CCDC122: variants seen among roughly 807,000 people sequenced by gnomAD.
CCDC122 encodes the protein coiled-coil domain-containing protein 122.
Under a neutral mutation model 37.0 loss-of-function variants are expected in CCDC122, and 38 were observed. That is an observed-to-expected ratio of 1.03 (90% CI 0.79 to 1.35). The LOEUF (loss-of-function observed/expected upper bound fraction) is 1.35, where lower values mean the gene tolerates loss of function less well. Ranked by LOEUF, CCDC122 falls within the 40% of genes most tolerant of loss-of-function variation. The pLI is 0.00. For missense variants in CCDC122, 305 were observed against 310.0 expected, an observed-to-expected ratio of 0.98 and a Z score of 0.12; for synonymous variants, 83 against 95.6, an observed-to-expected ratio of 0.87 and a Z score of 0.77.
At chr13:43,876,692 C>T (rs1293513919) in intron 1 of CCDC122, among the ~76,000 whole-genome samples, 5 of 152,168 alleles carry the variant, frequency 3.3e-5, no homozygotes, top group African/African-American at 2.4e-5. Context: ...GCCAGTTGTG[C>T]TTGATATTGT....
intron 1 of CCDC122, among the ~76,000 whole-genome samples, chr13:43,877,562 C>T (rs1954660765): frequency 6.6e-6 from 1 of 152,048 alleles, no homozygotes; most frequent in South Asian, 2.1e-4. Flanking sequence ...TGTAAAGAAG[C>T]TATTAATTTT....
At chr13:43,851,355 A>G (rs1240121364) in intron 6 of CCDC122, among the ~76,000 whole-genome samples, 1 of 152,234 alleles carries the variant, frequency 6.6e-6, no homozygotes, top group East Asian at 1.9e-4. Flanking sequence ...TCTAAATTTA[A>G]CTTTGGTGAA....
chr13:43,875,317 A>G (rs1347068311), intron 1 of CCDC122, among the ~76,000 whole-genome samples: 5 of 152,190 alleles, frequency 3.3e-5, no homozygotes, highest in African/African-American at 4.8e-5. Flanking sequence ...AACCAAGAGG[A>G]ACTTTATAGT....
At chr13:43,878,635 C>T (rs1954742136) in intron 1 of CCDC122, among the ~76,000 whole-genome samples, 1 of 152,176 alleles carries the variant, frequency 6.6e-6, no homozygotes, top group Admixed American at 6.5e-5. Flanking sequence ...CTTGGAAGGT[C>T]GGATATTTTT....
chr13:43,870,522 C>T (rs1178525930), intron 2 of CCDC122, among the ~76,000 whole-genome samples: 1 of 151,926 alleles, frequency 6.6e-6, no homozygotes, highest in Non-Finnish European at 1.5e-5. Flanking sequence ...ACTGTCAGTT[C>T]TCTCAATTAA....
At chr13:43,839,259 A>C (rs937207396) in intron 6 of CCDC122, among the ~76,000 whole-genome samples, 4 of 152,192 alleles carry the variant, frequency 2.6e-5, no homozygotes, top group African/African-American at 9.7e-5. Flanking sequence ...CTGTCCCCAC[A>C]CTTAACCCTC....
At chr13:43,877,398 T>A (rs1026150431) in intron 1 of CCDC122, among the ~76,000 whole-genome samples, 1 of 152,216 alleles carries the variant, frequency 6.6e-6, no homozygotes, top group African/African-American at 2.4e-5. Flanking sequence ...CTGACCTTTT[T>A]TCTTATAAAA....
At chr13:43,855,392 CA>C (rs1461326406) in intron 6 of CCDC122, 3,513 of 151,306 alleles carry the variant, frequency 0.023, 106 homozygotes, top group East Asian at 0.13. Flanking sequence ...CACACACACA[CA>C]CCCCTAAGAA....
chr13:43,845,517 C>A (rs1043435695), intron 6 of CCDC122, among the ~76,000 whole-genome samples: 1 of 152,184 alleles, frequency 6.6e-6, no homozygotes, highest in Admixed American at 6.5e-5. Context: ...ACAAGACCAG[C>A]CTGGCCAGCA....
intron 1 of CCDC122, among the ~76,000 whole-genome samples, chr13:43,877,092 C>T (rs544447718): frequency 1.3e-5 from 2 of 152,258 alleles, no homozygotes; most frequent in Non-Finnish European, 2.9e-5. Flanking sequence ...GGCGACAGAG[C>T]GAGACTTCAT....
chr13:43,848,719 AC>A (rs1264374191), intron 6 of CCDC122: 20 of 484,934 alleles, frequency 4.1e-5, no homozygotes, highest in Middle Eastern at 1.1e-3. Flanking sequence ...ATTCAAAAAA[AC>A]ATTTTTTATT....
intron 2 of CCDC122, among the ~76,000 whole-genome samples, chr13:43,872,770 T>C (rs2153880224): frequency 6.6e-6 from 1 of 152,246 alleles, no homozygotes; most frequent in Non-Finnish European, 1.5e-5. Flanking sequence ...TCAAACGTAT[T>C]ATTCTGAACA....
chr13:43,849,392 C>T (rs1953650231), intron 6 of CCDC122, among the ~76,000 whole-genome samples: 1 of 152,134 alleles, frequency 6.6e-6, no homozygotes, highest in African/African-American at 2.4e-5. Context: ...CTACAGTTAC[C>T]TATTCTTCCT....
At chr13:43,863,275 T>G (rs1327656192) in intron 4 of CCDC122, among the ~76,000 whole-genome samples, 3 of 152,220 alleles carry the variant, frequency 2.0e-5, no homozygotes, top group African/African-American at 7.2e-5. Context: ...TAGAATCATT[T>G]AATACATAAT....
chr13:43,837,185 G>A lies in CCDC122; in HGVS notation c.*95C>T, dbSNP rs1953192683. On this transcript the variant is annotated 3_prime_UTR_variant, in exon 7 of 7. Coordinates refer to ENST00000444614, the MANE Select transcript of CCDC122 (RefSeq NM_144974.5). ...TCATTAAGACAGGTCTCTAATAGTG[G>A]ATGCTTGTTATTAAGAATCCAAAAG... 3 of 1,235,842 alleles carry A rather than the reference G, an allele frequency of 2.4e-6. No homozygotes were observed. Among genetic ancestry groups the A allele is most frequent in the South Asian group, 1.5e-5 (1 of 67,144 alleles). The allele number at this position is 1,235,842 out of a possible 1,614,324, so 76.6% of individuals were successfully genotyped here.
chr13:43,859,713 C>G lies in CCDC122; in HGVS notation c.514G>C (p.Asp172His). Residue 172 changes from aspartate to histidine, a missense_variant, in exon 5 of 7, where the codon GAT becomes CAT. Coordinates refer to ENST00000444614, the MANE Select transcript of CCDC122 (RefSeq NM_144974.5). Reference protein sequence around the residue: ...LKTMKEELMQDLQNPGGNRIT... With the variant: ...LKTMKEELMQHLQNPGGNRIT... ...CGGTTCCCTCCTGGATTTTGAAGAT[C>G]TTGCATAAGTTCTTCTTTCATTGTC... 1 of 1,579,526 alleles carries G rather than the reference C, an allele frequency of 6.3e-7. No individual in the cohort carries two copies. The highest frequency in any genetic ancestry group is 8.6e-7 in the Non-Finnish European group (1 of 1,168,864).
chr13:43,836,332 T>A (rs559551266), downstream of CCDC122: 37 of 152,354 alleles, frequency 2.4e-4, no homozygotes, highest in African/African-American at 7.2e-4. Flanking sequence ...AACTTTAATT[T>A]AGTCACAGAA....
At chr13:43,877,786 CT>C (rs1482507457) in intron 1 of CCDC122, 1 of 152,178 alleles carries the variant, frequency 6.6e-6, no homozygotes, top group Non-Finnish European at 1.5e-5. Flanking sequence ...AATTATGCAT[CT>C]AACTCATACA....
At chr13:43,821,499 T>C (rs9595023), downstream of CCDC122, among the ~76,000 whole-genome samples, 27,265 of 152,204 alleles carry the variant, frequency 0.18, 2,592 homozygotes, top group East Asian at 0.3. Flanking sequence ...GCTGGAATTA[T>C]AGGCGTAAGC....
Sources: allele counts gnomAD v4.1 joint callset (sites outside exome capture counted in the v4.1 genomes callset), GRCh38; gene constraint gnomAD v4.1.1; transcripts MANE v1.5; gene names NCBI Gene and HGNC (gene_info 2026-07-23, HGNC 2026-07-21).